TRHDE: variants seen among roughly 807,000 people sequenced by gnomAD.
TRHDE encodes the protein thyrotropin releasing hormone degrading enzyme, also known as thyrotropin-releasing hormone-degrading ectoenzyme.
A neutral mutation model predicts 125.7 loss-of-function variants in TRHDE; 72 were observed. The ratio of observed to expected loss-of-function variants is 0.57; its 90% CI spans 0.47 to 0.70. The LOEUF is 0.70. Among genes scored for constraint, TRHDE ranks in the 30% least tolerant of loss-of-function variants. The pLI, the probability that TRHDE is intolerant of heterozygous loss-of-function variation, is 0.00. For missense variants in TRHDE, 1,110 were observed against 1,327.1 expected, an observed-to-expected ratio of 0.84 and a Z score of 2.54; for synonymous variants, 509 against 509.1, an observed-to-expected ratio of 1.00 and a Z score of 0.00.
chr12:72,608,454 G>A (rs1020275003), intron 12 of TRHDE, among the ~76,000 whole-genome samples: 8 of 152,104 alleles, frequency 5.3e-5, no homozygotes, highest in South Asian at 2.1e-4. Flanking sequence ...TGTAATGCAC[G>A]CTGTTGATGG....
intron 2 of TRHDE, among the ~76,000 whole-genome samples, chr12:72,330,852 T>C (rs1019327682): frequency 8.5e-5 from 13 of 152,174 alleles, no homozygotes; most frequent in Admixed American, 2.0e-4. Flanking sequence ...TCTCAAACTT[T>C]AGCATGCCTT....
At chr12:72,605,858 T>C (rs1872417610) in intron 12 of TRHDE, among the ~76,000 whole-genome samples, 1 of 152,202 alleles carries the variant, frequency 6.6e-6, no homozygotes, top group South Asian at 2.1e-4. Flanking sequence ...TAATATCTTT[T>C]TGCAGCTGTA....
intron 2 of TRHDE, among the ~76,000 whole-genome samples, chr12:72,142,747 T>A (rs1876145082): frequency 6.6e-6 from 1 of 151,924 alleles, no homozygotes; most frequent in Non-Finnish European, 1.5e-5. Flanking sequence ...CAGAATGACA[T>A]GGCAGAGACA....
intron 12 of TRHDE, among the ~76,000 whole-genome samples, chr12:72,599,583 CTATT>C (rs1872124150): frequency 6.6e-6 from 1 of 151,676 alleles, no homozygotes; most frequent in Non-Finnish European, 1.5e-5. Flanking sequence ...TTTTGCTTAA[CTATT>C]TAAGTTTCGG....
chr12:72,099,401 G>A (rs1592439811), intron 1 of TRHDE, among the ~76,000 whole-genome samples: 1 of 152,152 alleles, frequency 6.6e-6, no homozygotes, highest in East Asian at 1.9e-4. Context: ...TGACAGCAGT[G>A]TCTCACACTG....
chr12:72,165,030 T>C (rs987729718), intron 2 of TRHDE, among the ~76,000 whole-genome samples: 3 of 152,138 alleles, frequency 2.0e-5, no homozygotes, highest in African/African-American at 7.2e-5. Context: ...CTTGGGGCCC[T>C]AGGAATAAAA....
At chr12:72,544,760 A>G (rs897681793) in intron 7 of TRHDE, among the ~76,000 whole-genome samples, 5 of 151,550 alleles carry the variant, frequency 3.3e-5, no homozygotes, top group African/African-American at 1.2e-4. Flanking sequence ...TTTTAAAAAT[A>G]CATACATGTA....
At chr12:72,578,489 T>C (rs1336998475) in intron 12 of TRHDE, among the ~76,000 whole-genome samples, 1 of 152,166 alleles carries the variant, frequency 6.6e-6, no homozygotes, top group African/African-American at 2.4e-5. Flanking sequence ...CCTCCCTCAT[T>C]GAGGACTTAT....
At chr12:72,307,791 A>G (rs186517842) in intron 2 of TRHDE, among the ~76,000 whole-genome samples, 88 of 152,308 alleles carry the variant, frequency 5.8e-4, no homozygotes, top group Non-Finnish European at 1.0e-4. Context: ...AATCAGCTCA[A>G]TTTAAACTAA....
In TRHDE at chr12:72,641,767, A is replaced by G. The variant is rs192163163; in HGVS notation, c.2676-10555A>G. Among the ~76,000 whole-genome samples the G allele has an allele frequency of 2.3e-3, 357 of 152,174 alleles. 1 individual carries two copies. The highest frequency in any genetic ancestry group is 3.7e-3 in the Non-Finnish European group (252 of 67,950). ...TTATTAATTCATTTCACTGTTTTTCATTTAATAACTAAAATACCAATTCAC... is the reference window on the plus strand; with the variant it reads ...TTATTAATTCATTTCACTGTTTTTCGTTTAATAACTAAAATACCAATTCAC... On this transcript the variant is annotated intron_variant, in intron 15 of 18. Coordinates refer to ENST00000261180, the MANE Select transcript of TRHDE (RefSeq NM_013381.3).
chr12:72,501,908 T>C lies in TRHDE; in HGVS notation c.1722+2273T>C, dbSNP rs1325586084. 2.0e-5 allele frequency among the ~76,000 whole-genome samples: 3 copies of C among 152,228 alleles called. No homozygotes were observed. The East Asian group carries it at 5.8e-4, about 29-fold the overall frequency. On this transcript the variant is annotated intron_variant, in intron 6 of 18. Coordinates refer to ENST00000261180, the MANE Select transcript of TRHDE (RefSeq NM_013381.3). ...TTAATGCGAGCATTGGTAGTTTCTTTCTCACGCACTTCGCCCATTTCATCT... is the reference window on the plus strand; with the variant it reads ...TTAATGCGAGCATTGGTAGTTTCTTCCTCACGCACTTCGCCCATTTCATCT...
chr12:72,195,914 G>A (rs1877432149), intron 2 of TRHDE, among the ~76,000 whole-genome samples: 1 of 152,102 alleles, frequency 6.6e-6, no homozygotes, highest in Admixed American at 6.5e-5. Flanking sequence ...AAGGTGAAAG[G>A]TATGGGTCCA....
At chr12:72,131,957 G>A (rs759653719) in intron 2 of TRHDE, among the ~76,000 whole-genome samples, 1 of 152,150 alleles carries the variant, frequency 6.6e-6, no homozygotes, top group African/African-American at 2.4e-5. Flanking sequence ...ATGGAGTAAC[G>A]AATGATCAAT....
chr12:72,416,154 T>C (rs1873723431), intron 3 of TRHDE, among the ~76,000 whole-genome samples: 1 of 152,156 alleles, frequency 6.6e-6, no homozygotes, highest in South Asian at 2.1e-4. Flanking sequence ...TTAGTGATGT[T>C]GTGCATTTTT....
intron 1 of TRHDE, among the ~76,000 whole-genome samples, chr12:72,100,839 A>G (rs912943918): frequency 5.9e-5 from 9 of 152,170 alleles, no homozygotes; most frequent in African/African-American, 2.2e-4. Context: ...TGACAGGGTT[A>G]TGTCAATCTG....
At chr12:72,246,172 C>T (rs1565671816) in intron 2 of TRHDE, among the ~76,000 whole-genome samples, 1 of 151,742 alleles carries the variant, frequency 6.6e-6, no homozygotes, top group African/African-American at 2.4e-5. Flanking sequence ...TTGATATTGT[C>T]CTCAAAAAAA....
chr12:72,557,910 T>C (rs1327717720), intron 7 of TRHDE, among the ~76,000 whole-genome samples: 1 of 152,066 alleles, frequency 6.6e-6, no homozygotes, highest in Non-Finnish European at 1.5e-5. Flanking sequence ...CTATGCTTAC[T>C]GCATTGTCAG....
chr12:72,423,200 A>G (rs1874032325), intron 3 of TRHDE, among the ~76,000 whole-genome samples: 1 of 152,188 alleles, frequency 6.6e-6, no homozygotes, highest in South Asian at 2.1e-4. Flanking sequence ...CAACCTTATG[A>G]TGGTACAGAA....
chr12:72,429,043 AG>A (rs1458323841), intron 3 of TRHDE, among the ~76,000 whole-genome samples: 1 of 152,106 alleles, frequency 6.6e-6, no homozygotes, highest in Admixed American at 6.6e-5. Context: ...TGTCCTTTGC[AG>A]GGACATGGAT....
Sources: allele counts gnomAD v4.1 joint callset (sites outside exome capture counted in the v4.1 genomes callset), GRCh38; gene constraint gnomAD v4.1.1; transcripts MANE v1.5; gene names NCBI Gene and HGNC (gene_info 2026-07-23, HGNC 2026-07-21).